GSN: variants seen among roughly 807,000 people sequenced by gnomAD.
The protein encoded by GSN is gelsolin.
A neutral mutation model predicts 85.7 loss-of-function variants in GSN; 56 were observed. The ratio of observed to expected loss-of-function variants is 0.65; its 90% CI spans 0.53 to 0.82. The LOEUF (loss-of-function observed/expected upper bound fraction) is 0.82. GSN is among the 40% of genes least tolerant of loss of function. The probability of loss-of-function intolerance (pLI) is 0.00; values close to 1 mark genes in which losing one functional copy is unlikely to be tolerated. For synonymous variants in GSN, 373 were observed against 399.1 expected (o/e 0.93, Z 0.78); for missense variants, 857 against 979.8 (o/e 0.87, Z 1.67).
At chr9:121,307,159 C>A (rs961918640) in intron 4 of GSN, among the ~76,000 whole-genome samples, 1 of 150,870 alleles carries the variant, frequency 6.6e-6, no homozygotes, top group African/African-American at 2.4e-5. Context: ...CCAGCCTGGG[C>A]GATGGAACGA....
intron 4 of GSN, among the ~76,000 whole-genome samples, chr9:121,226,891 G>A (rs1162382612): frequency 1.3e-5 from 2 of 152,188 alleles, no homozygotes; most frequent in African/African-American, 2.4e-5. Context: ...GTTAATAATC[G>A]ATCATGCCTA....
Position 121,299,411 on chromosome 9 carries a change from C to A in GSN, c.-9-2552C>A. The A allele has an allele frequency of 5.1e-6, 5 of 978,516 alleles. No homozygotes were observed. The highest frequency in any genetic ancestry group is 5.3e-4 in the Middle Eastern group (1 of 1,902). The allele number at this position is 978,516 out of a possible 1,614,324, so 60.6% of individuals were successfully genotyped here. Reference sequence around the variant, plus strand: ...TGCTTCACCACTCTGCGCTGTTCCCCCCTCTGTAAAATGGGTTGGCCGTTG... The same window carrying A: ...TGCTTCACCACTCTGCGCTGTTCCCACCTCTGTAAAATGGGTTGGCCGTTG... On this transcript the variant is annotated intron_variant, in intron 2 of 17. Coordinates refer to ENST00000432226, the MANE Select transcript of GSN (RefSeq NM_198252.3). This position sits in a 1 kb window ranked among gnomAD's most constrained non-coding sequence, Gnocchi z 4.2.
upstream of GSN, among the ~76,000 whole-genome samples, chr9:121,265,471 T>C (rs1390830625): frequency 1.3e-5 from 2 of 152,220 alleles, no homozygotes; most frequent in Non-Finnish European, 2.9e-5. Flanking sequence ...CTCCAAATTC[T>C]AATAGTCCAG....
At chr9:121,243,874 A>G (rs2054651692) in intron 5 of GSN, among the ~76,000 whole-genome samples, 1 of 152,188 alleles carries the variant, frequency 6.6e-6, no homozygotes, top group Non-Finnish European at 1.5e-5. Flanking sequence ...CACTGCACCT[A>G]GCCATATTTT....
At chr9:121,315,518 C>T (rs389662) in intron 7 of GSN, among the ~76,000 whole-genome samples, 100,983 of 152,028 alleles carry the variant, frequency 0.66, 33,774 homozygotes, top group East Asian at 0.84. Flanking sequence ...AATCCCAGCA[C>T]TTTGAGAGGC....
intron 1 of GSN, among the ~76,000 whole-genome samples, chr9:121,279,124 G>T (rs556712738): frequency 6.6e-6 from 1 of 152,014 alleles, no homozygotes; most frequent in Non-Finnish European, 1.5e-5. Flanking sequence ...AGATTAGGGG[G>T]TGTGGAGGTC....
chr9:121,301,986 C>T lies in GSN; in HGVS notation c.15C>T (p.His5=), dbSNP rs778466648. MVVE[H]PEFLKAGKEP... is the part of the protein sequence containing the mutation. ...AGCCCAACAGCATGGTGGTGGAACA[C>T]CCCGAGTTCCTCAAGGCAGGGAAGG... The change falls in exon 3 of 18, where the codon CAC becomes CAT. Residue 5 remains histidine (H), a synonymous_variant. Transcript: ENST00000432226. 11 of 1,614,202 alleles carry T rather than the reference C, an allele frequency of 6.8e-6. No individual in the cohort carries two copies. Among genetic ancestry groups the T allele is most frequent in the Non-Finnish European group, 8.5e-6 (10 of 1,180,012 alleles).
intron 8 of GSN, chr9:121,317,562 A>C (rs2061864298): frequency 2.9e-6 from 1 of 342,932 alleles, no homozygotes. Context: ...GTGGATTTTA[A>C]AATGTTCGAG....
Position 121,261,073 on chromosome 9 carries a change from G to A in GSN, c.-340-4081G>A, listed in dbSNP as rs980339324. On this transcript the variant is annotated intron_variant, in intron 6 of 24. Transcript: ENST00000373823. This position sits in a 1 kb window ranked among gnomAD's most constrained non-coding sequence, Gnocchi z 4.1. ...CAACATTTGAAAAGCCCATTGTTCG[G>A]TGTTGTGATAATATAACTCTCTGTA... Among the ~76,000 whole-genome samples, 1 of 152,238 alleles carries A rather than the reference G, an allele frequency of 6.6e-6. No individual in the cohort carries two copies. Among genetic ancestry groups the A allele is most frequent in the Non-Finnish European group, 1.5e-5 (1 of 68,046 alleles).
chr9:121,238,899 A>G (rs536809136), intron 5 of GSN: 11 of 537,184 alleles, frequency 2.0e-5, no homozygotes, highest in Non-Finnish European at 3.8e-5. Flanking sequence ...GGTTACATAC[A>G]TCTGCATGAT....
intron 4 of GSN, among the ~76,000 whole-genome samples, chr9:121,230,070 C>T (rs1172047168): frequency 6.6e-6 from 1 of 152,144 alleles, no homozygotes; most frequent in Non-Finnish European, 1.5e-5. Flanking sequence ...GAAATCCTTT[C>T]TGATCACTTT....
chr9:121,261,164 T>C lies in GSN; in HGVS notation c.-340-3990T>C, dbSNP rs1460132002. Among the ~76,000 whole-genome samples, 1 of 152,232 alleles carries C rather than the reference T, an allele frequency of 6.6e-6. No individual in the cohort carries two copies. Among genetic ancestry groups the C allele is most frequent in the Non-Finnish European group, 1.5e-5 (1 of 68,036 alleles). On this transcript the variant is annotated intron_variant, in intron 6 of 24. Coordinates refer to the GSN transcript ENST00000373823. This position sits in a 1 kb window ranked among gnomAD's most constrained non-coding sequence, Gnocchi z 4.1. ...CCCACTGGTGGCCTGCGGGGACAGC[T>C]GAATGCCTTCTGGTCCGCTGAGCCC...
intron 2 of GSN, 29 bp from the exon 3 acceptor site, chr9:121,301,934 C>A: frequency 6.2e-7 from 1 of 1,613,900 alleles, no homozygotes; most frequent in South Asian, 1.1e-5. Context: ...GACCCTGCCC[C>A]GCTTAGGCTC....
intron 2 of GSN, among the ~76,000 whole-genome samples, chr9:121,287,230 G>T (rs2058218881): frequency 6.6e-6 from 1 of 152,174 alleles, no homozygotes; most frequent in Admixed American, 6.5e-5. Context: ...GTCACCGGGA[G>T]GCTGAGGACA....
At chr9:121,307,084 G>A (rs1251032182) in intron 4 of GSN, among the ~76,000 whole-genome samples, 5 of 152,184 alleles carry the variant, frequency 3.3e-5, no homozygotes, top group African/African-American at 1.2e-4. Context: ...AGGAGGCTGA[G>A]GCAGGAGAAT....
chr9:121,242,905 C>G (rs10760162), intron 5 of GSN, among the ~76,000 whole-genome samples: 57,355 of 151,964 alleles, frequency 0.38, 13,494 homozygotes, highest in East Asian at 0.62. Context: ...TGGGCTTCTG[C>G]GTAAATTTTC....
chr9:121,263,888 CA>C (rs34342246), upstream of GSN, among the ~76,000 whole-genome samples: 427 of 70,552 alleles, frequency 6.1e-3, no homozygotes, highest in East Asian at 0.019. Context: ...AACTCCATCT[CA>C]AAAAAAAAAA....
intron 14 of GSN, among the ~76,000 whole-genome samples, chr9:121,327,744 C>T (rs1399233324): frequency 1.3e-5 from 2 of 152,136 alleles, no homozygotes; most frequent in East Asian, 3.8e-4. Context: ...GAGGCTAAGG[C>T]GGGCGGATCA....
intron 2 of GSN, chr9:121,286,111 G>A (rs1564424173): frequency 1.3e-6 from 2 of 1,535,468 alleles, no homozygotes; most frequent in East Asian, 2.4e-5. Context: ...GCCTGTGTCA[G>A]GAGAGGCCCA....
Sources: gnomAD v4.1 joint callset for allele counts (sites outside exome capture counted in the v4.1 genomes callset) on GRCh38, gnomAD v4.1.1 for gene constraint, Gnocchi (gnomAD v3.1) non-coding constraint, MANE v1.5 for transcripts, NCBI Gene and HGNC (gene_info 2026-07-23, HGNC 2026-07-21) for gene names.